The following GRB14 variants were observed in gnomAD, a reference collection of about 807,000 sequenced individuals.
GRB14 encodes growth factor receptor-bound protein 14.
GRB14 carries 38 observed loss-of-function variants against 69.1 expected under a neutral mutation model. The observed-to-expected ratio is 0.55, with a 90% CI of 0.42 to 0.72. GRB14 has a LOEUF of 0.72. Among genes scored for constraint, GRB14 ranks in the 30% least tolerant of loss-of-function variants. The probability of loss-of-function intolerance (pLI) is 0.00; values close to 1 mark genes in which losing one functional copy is unlikely to be tolerated. For synonymous variants in GRB14, 247 were observed against 241.3 expected (o/e 1.02, Z -0.22); for missense variants, 666 against 666.1 (o/e 1.00, Z 0.00).
intron 13 of GRB14, among the ~76,000 whole-genome samples, 157 bp from the exon 14 acceptor site, chr2:164,493,339 A>C (rs957610612): frequency 1.3e-5 from 2 of 152,146 alleles, no homozygotes; most frequent in African/African-American, 4.8e-5. Context: ...TGTTTTTTTT[A>C]ACATCACTTG....
intron 2 of GRB14, among the ~76,000 whole-genome samples, chr2:164,567,335 A>G (rs998981843): frequency 1.6e-4 from 24 of 152,270 alleles, no homozygotes; most frequent in Non-Finnish European, 2.6e-4. Flanking sequence ...AATAGTAAAG[A>G]GGCACTTCGT....
rs112130217 is a variant in GRB14 at position 164,527,220 on chromosome 2, T to G, written c.482-85A>C. 3.9e-4 allele frequency: 67 copies of G among 173,990 alleles called. 2 individuals carry two copies. Among genetic ancestry groups the G allele is most frequent in the Non-Finnish European group, 2.2e-4 (21 of 94,840 alleles). The allele number at this position is 173,990 out of a possible 1,614,324, so 10.8% of individuals were successfully genotyped here. Reference sequence around the variant, plus strand: ...ATATATATATATATATATATATATATACACACACAGACACATACAAACATA... The same window carrying G: ...ATATATATATATATATATATATATAGACACACACAGACACATACAAACATA... On this transcript the variant is annotated intron_variant, in intron 3 of 13. Coordinates refer to ENST00000263915, the MANE Select transcript of GRB14 (RefSeq NM_004490.3).
intron 2 of GRB14, among the ~76,000 whole-genome samples, chr2:164,555,939 AG>A (rs34405373): frequency 6.8e-6 from 1 of 146,162 alleles, no homozygotes; most frequent in African/African-American, 2.8e-5. Context: ...TTTAATAGAT[AG>A]GCAATGTACT....
At chr2:164,509,792 GAAAAAAA>G (rs10675642) in intron 6 of GRB14, among the ~76,000 whole-genome samples, 1 of 86,250 alleles carries the variant, frequency 1.2e-5, no homozygotes, top group Admixed American at 1.4e-4. Context: ...AGAAGCAGTG[GAAAAAAA>G]AAAAAAAAAA....
intron 2 of GRB14, chr2:164,568,484 T>G: frequency 2.6e-6 from 3 of 1,143,106 alleles, no homozygotes; most frequent in Non-Finnish European, 2.2e-6. Context: ...ATGAAACAAC[T>G]AGGAAAGTAA....
intron 3 of GRB14, among the ~76,000 whole-genome samples, chr2:164,528,916 A>G (rs1171870283): frequency 6.6e-6 from 1 of 152,162 alleles, no homozygotes; most frequent in African/African-American, 2.4e-5. Context: ...TGTTTACTCA[A>G]AAGAAGCGAA....
intron 2 of GRB14, among the ~76,000 whole-genome samples, chr2:164,562,172 C>G (rs1574311287): frequency 6.6e-6 from 1 of 152,244 alleles, no homozygotes; most frequent in East Asian, 1.9e-4. Flanking sequence ...AGCTAAGGTT[C>G]TATTAATAGT....
At chr2:164,506,532 G>A (rs1687194148) in intron 8 of GRB14, among the ~76,000 whole-genome samples, 2 of 152,156 alleles carry the variant, frequency 1.3e-5, no homozygotes, top group Admixed American at 1.3e-4. Flanking sequence ...TTCAGCCACT[G>A]TGGAAAAACA....
intron 6 of GRB14, among the ~76,000 whole-genome samples, chr2:164,514,420 C>G (rs1364882705): frequency 6.6e-6 from 1 of 152,152 alleles, no homozygotes; most frequent in Non-Finnish European, 1.5e-5. Context: ...CCCCTGAACA[C>G]ACACCCTCAC....
intron 2 of GRB14, among the ~76,000 whole-genome samples, chr2:164,555,554 G>A (rs1345032049): frequency 1.3e-5 from 2 of 151,572 alleles, no homozygotes; most frequent in African/African-American, 4.8e-5. Flanking sequence ...TCTATTTTAG[G>A]AAATTTTAAA....
Position 164,588,124 on chromosome 2 carries a change from A to C in GRB14, c.324+31563T>G, listed in dbSNP as rs559119248. 5.9e-5 allele frequency among the ~76,000 whole-genome samples: 9 copies of C among 152,338 alleles called. No individual in the cohort carries two copies. The South Asian group carries it at 1.7e-3, about 28-fold the overall frequency. ...CAGATAAATGTGTTTCCAATCTTCT[A>C]AAACTCTCTATAGGAAACAGGATTT... On this transcript the variant is annotated intron_variant, in intron 2 of 13. Coordinates refer to ENST00000263915, the MANE Select transcript of GRB14 (RefSeq NM_004490.3).
At chr2:164,600,076 A>G (rs1689877873) in intron 2 of GRB14, among the ~76,000 whole-genome samples, 1 of 152,180 alleles carries the variant, frequency 6.6e-6, no homozygotes, top group Non-Finnish European at 1.5e-5. Flanking sequence ...AGAATAATTC[A>G]AACTAAAACA....
At chr2:164,579,610 G>A (rs1454257346) in intron 2 of GRB14, among the ~76,000 whole-genome samples, 2 of 152,016 alleles carry the variant, frequency 1.3e-5, no homozygotes, top group Non-Finnish European at 2.9e-5. Context: ...GGGGGGAAAT[G>A]AGTCTCTGGA....
chr2:164,547,910 TTA>T, intron 2 of GRB14, 94 bp from the exon 3 acceptor site: 1 of 720,674 alleles, frequency 1.4e-6, no homozygotes, highest in Non-Finnish European at 2.1e-6. Flanking sequence ...CAACACGATA[TTA>T]TGAGATATAT....
intron 2 of GRB14, among the ~76,000 whole-genome samples, chr2:164,566,403 A>C (rs545575717): frequency 6.6e-6 from 1 of 152,246 alleles, no homozygotes; most frequent in East Asian, 1.9e-4. Context: ...TTATATAAAC[A>C]CCAAAATATG....
intron 3 of GRB14, among the ~76,000 whole-genome samples, chr2:164,537,224 A>G (rs1688103073): frequency 6.6e-6 from 1 of 152,176 alleles, no homozygotes; most frequent in African/African-American, 2.4e-5. Context: ...GTCAGCTTGG[A>G]CAGCTCAGAG....
chr2:164,502,328 A>C lies in GRB14; in HGVS notation c.1031T>G (p.Met344Arg), dbSNP rs1381119839. 1 of 1,565,536 alleles carries C rather than the reference A, an allele frequency of 6.4e-7. No homozygotes were observed. Among genetic ancestry groups the C allele is most frequent in the East Asian group, 2.2e-5 (1 of 44,568 alleles). Reference sequence around the variant, plus strand: ...ATGCATATAATTCTGGTACAGCTGCATGCCATACTGCAGAATAAATAAATA... The same window carrying C: ...ATGCATATAATTCTGGTACAGCTGCCTGCCATACTGCAGAATAAATAAATA... ...VTAIRLLKYGMQLYQNYMHPY... is the reference protein window; with the variant it reads ...VTAIRLLKYGRQLYQNYMHPY... The change falls in exon 9 of 14, where the codon ATG (methionine) becomes AGG (arginine). Residue 344 changes from methionine to arginine, a missense_variant. Met to Arg is a moderately conservative substitution (Grantham distance 91). Transcript: ENST00000263915.
At chr2:164,511,327 A>T (rs1687332299) in intron 6 of GRB14, among the ~76,000 whole-genome samples, 1 of 152,188 alleles carries the variant, frequency 6.6e-6, no homozygotes, top group Non-Finnish European at 1.5e-5. Context: ...CAGGCAGCAC[A>T]GCTCGTGGCT....
intron 2 of GRB14, among the ~76,000 whole-genome samples, chr2:164,572,325 G>A (rs1221783682): frequency 1.3e-5 from 2 of 152,132 alleles, no homozygotes; most frequent in African/African-American, 4.8e-5. Flanking sequence ...CCAAAAGCAT[G>A]TTCTGTATTC....
Sources: allele counts gnomAD v4.1 joint callset (sites outside exome capture counted in the v4.1 genomes callset), GRCh38; gene constraint gnomAD v4.1.1; transcripts MANE v1.5; gene names NCBI Gene and HGNC (gene_info 2026-07-23, HGNC 2026-07-21).